The following NR1I2 variants were observed in gnomAD, a reference collection of about 807,000 sequenced individuals.
NR1I2 encodes nuclear receptor subfamily 1 group I member 2.
NR1I2 carries 42 observed loss-of-function variants against 43.3 expected under a neutral mutation model. The ratio of observed to expected loss-of-function variants is 0.97; its 90% confidence interval spans 0.76 to 1.26. The LOEUF (loss-of-function observed/expected upper bound fraction) is 1.26, where lower values mean the gene tolerates loss of function less well. Ranked by LOEUF, NR1I2 falls within the 50% of genes most tolerant of loss-of-function variation. The probability of loss-of-function intolerance (pLI) is 0.00; values close to 1 mark genes in which losing one functional copy is unlikely to be tolerated. For missense variants in NR1I2, 559 were observed against 566.7 expected (o/e 0.99, Z 0.14); for synonymous variants, 229 against 215.0 (o/e 1.06, Z -0.57).
intron 3 of NR1I2, 118 bp downstream of exon 3, chr3:119,810,312 G>C (rs558953916): frequency 2.1e-6 from 3 of 1,427,346 alleles, no homozygotes; most frequent in Non-Finnish European, 9.4e-7. Context: ...GTGAACACAC[G>C]TGCACATGTG....
At chr3:119,795,254 C>A (rs559628106) in intron 1 of NR1I2, among the ~76,000 whole-genome samples, 1 of 152,266 alleles carries the variant, frequency 6.6e-6, no homozygotes, top group African/African-American at 2.4e-5. Context: ...CATAGGCAGA[C>A]CTTAAGGGAT....
Position 119,818,167 on chromosome 3 carries a change from G to C in NR1I2, c.*955G>C, listed in dbSNP as rs1278037091. 1 of 985,652 alleles carries C rather than the reference G, an allele frequency of 1.0e-6. No individual in the cohort carries two copies. Among genetic ancestry groups the C allele is most frequent in the African/African-American group, 1.7e-5 (1 of 57,212 alleles). 61.1% of individuals were successfully genotyped at this position (985,652 alleles called of 1,614,324 possible). A position where few individuals can be genotyped will look rare whatever the true frequency, so the allele number is the denominator to read the frequency against. ...GTGTAGGTAGGTCTGTTTGCCACTTGATGGGGCCTGGGTTTGTTCCTGGGG... is the reference window on the plus strand; with the variant it reads ...GTGTAGGTAGGTCTGTTTGCCACTTCATGGGGCCTGGGTTTGTTCCTGGGG... On this transcript the variant is annotated 3_prime_UTR_variant, in exon 9 of 9. Transcript: ENST00000393716.
At chr3:119,789,294 T>G (rs755300860) in intron 1 of NR1I2, among the ~76,000 whole-genome samples, 4 of 152,008 alleles carry the variant, frequency 2.6e-5, no homozygotes, top group Admixed American at 6.6e-5. Context: ...ATGTTCACAT[T>G]GCTGATAAAG....
intron 1 of NR1I2, chr3:119,782,998 G>A (rs2054797541): frequency 1.4e-6 from 1 of 719,960 alleles, no homozygotes; most frequent in Non-Finnish European, 2.5e-6. Context: ...ACTGCTTTAA[G>A]GCCACTCCAT....
chr3:119,813,001 T>C, intron 5 of NR1I2, 41 bp downstream of exon 5: 1 of 1,604,916 alleles, frequency 6.2e-7, no homozygotes, highest in Non-Finnish European at 8.5e-7. Context: ...GGAAAAGAAC[T>C]GGAAGTGGCC....
rs1452125370 is a variant in NR1I2 at position 119,791,878 on chromosome 3, AAGGC to A, written c.-23+9580_-23+9583del. 5.0e-6 allele frequency: 3 copies of A among 600,740 alleles called. No individual in the cohort carries two copies. In the African/African-American group the frequency reaches 5.5e-5, roughly 11 times the overall value. The allele number at this position is 600,740 out of a possible 1,614,324, so 37.2% of individuals were successfully genotyped here. Reference sequence around the variant, plus strand: ...TTTGGACTGGCCTTAGCTGTTGCAGAAGGCATGGTGAACTCTGCCTTATATAACA... The same window carrying A: ...TTTGGACTGGCCTTAGCTGTTGCAGAATGGTGAACTCTGCCTTATATAACA... On this transcript the variant is annotated intron_variant, in intron 1 of 8. Coordinates refer to ENST00000393716, the MANE Select transcript of NR1I2 (RefSeq NM_003889.4).
chr3:119,810,144 G>A lies in NR1I2; in HGVS notation c.281G>A (p.Cys94Tyr), dbSNP rs779991929. The A allele has an allele frequency of 6.2e-7, 1 of 1,612,908 alleles. No homozygotes were observed. The highest frequency in any genetic ancestry group is 1.3e-5 in the African/African-American group (1 of 74,936). Reference sequence around the variant, plus strand: ...ATCACCCGGAAGACCCGGCGACAGTGCCAGGCCTGCCGCCTGCGCAAGTGC... The same window carrying A: ...ATCACCCGGAAGACCCGGCGACAGTACCAGGCCTGCCGCCTGCGCAAGTGC... The change falls in exon 3 of 9, where the codon TGC becomes TAC. Residue 94 changes from cysteine (C) to tyrosine (Y), a missense_variant. Physicochemically the swap from Cys to Tyr is radical, Grantham distance 194 (BLOSUM62 -2). Transcript: ENST00000393716.
intron 2 of NR1I2, among the ~76,000 whole-genome samples, chr3:119,807,846 G>C (rs71325402): frequency 6.6e-6 from 1 of 152,156 alleles, no homozygotes; most frequent in Non-Finnish European, 1.5e-5. Context: ...GGAGGGGAAG[G>C]GCGGGGAGGG....
At chr3:119,794,391 A>G (rs1296131786) in intron 1 of NR1I2, among the ~76,000 whole-genome samples, 1 of 151,010 alleles carries the variant, frequency 6.6e-6, no homozygotes, top group Non-Finnish European at 1.5e-5. Flanking sequence ...ACAGGATCTC[A>G]CCATGTCACC....
intron 1 of NR1I2, among the ~76,000 whole-genome samples, chr3:119,801,913 G>C (rs960737942): frequency 6.6e-6 from 1 of 152,158 alleles, no homozygotes; most frequent in Admixed American, 6.5e-5. Context: ...TGGCCTCTCC[G>C]CATGGTCTCT....
chr3:119,784,521 A>G (rs1405923576), intron 1 of NR1I2, among the ~76,000 whole-genome samples: 2 of 152,038 alleles, frequency 1.3e-5, no homozygotes, highest in African/African-American at 4.8e-5. Context: ...AGAAATTTTT[A>G]CTATTATTGT....
chr3:119,817,489 C>G lies in NR1I2; in HGVS notation c.*277C>G. ...CAGGACCATCAGAGAGGCAAGGTTGCCCTTTCCTTTTAAAAGGCCCTGTGG... is the reference window on the plus strand; with the variant it reads ...CAGGACCATCAGAGAGGCAAGGTTGGCCTTTCCTTTTAAAAGGCCCTGTGG... On this transcript the variant is annotated 3_prime_UTR_variant, in exon 9 of 9. Coordinates refer to ENST00000393716, the MANE Select transcript of NR1I2 (RefSeq NM_003889.4). The G allele has an allele frequency of 1.5e-6, 2 of 1,311,468 alleles. No homozygotes were observed. The highest frequency in any genetic ancestry group is 2.0e-6 in the Non-Finnish European group (2 of 1,020,676). The allele number at this position is 1,311,468 out of a possible 1,614,324, so 81.2% of individuals were successfully genotyped here.
intron 1 of NR1I2, 48 bp from the exon 2 acceptor site, chr3:119,807,181 C>T (rs2055172882): frequency 6.5e-7 from 1 of 1,532,320 alleles, no homozygotes; most frequent in African/African-American, 1.4e-5. Flanking sequence ...GAGGCCTCTA[C>T]ACATCCCTGT....
At chr3:119,814,064 G>A (rs969243994) in intron 5 of NR1I2, among the ~76,000 whole-genome samples, 5 of 152,204 alleles carry the variant, frequency 3.3e-5, no homozygotes, top group African/African-American at 9.7e-5. Context: ...CAATGGGGAG[G>A]CACAGAAGAA....
intron 4 of NR1I2, 65 bp downstream of exon 4, chr3:119,811,791 G>A (rs1267195098): frequency 4.0e-5 from 58 of 1,459,906 alleles, no homozygotes; most frequent in Middle Eastern, 1.9e-4. Context: ...AGAAACTGAG[G>A]TTCCCCAAGG....
chr3:119,802,349 A>G (rs1392941264), intron 1 of NR1I2, among the ~76,000 whole-genome samples: 2 of 152,240 alleles, frequency 1.3e-5, no homozygotes, highest in African/African-American at 4.8e-5. Flanking sequence ...GACATGATTT[A>G]AGTAAATGTC....
At chr3:119,794,036 G>T (rs1277490629) in intron 1 of NR1I2, among the ~76,000 whole-genome samples, 1 of 152,008 alleles carries the variant, frequency 6.6e-6, no homozygotes, top group Non-Finnish European at 1.5e-5. Context: ...TTTAGACAGG[G>T]TCTCACTCTG....
intron 1 of NR1I2, among the ~76,000 whole-genome samples, chr3:119,796,181 C>T (rs1327358081): frequency 1.3e-5 from 2 of 152,190 alleles, no homozygotes; most frequent in African/African-American, 2.4e-5. Flanking sequence ...CCCTGTACCA[C>T]TGAGTCATCT....
chr3:119,806,467 G>A (rs1320693748), intron 1 of NR1I2, among the ~76,000 whole-genome samples: 2 of 151,552 alleles, frequency 1.3e-5, no homozygotes, highest in Non-Finnish European at 1.5e-5. Flanking sequence ...TTTATTTTTT[G>A]TAAAGATGAG....
Sources: allele counts gnomAD v4.1 joint callset (sites outside exome capture counted in the v4.1 genomes callset), GRCh38; gene constraint gnomAD v4.1.1; transcripts MANE v1.5; gene names NCBI Gene and HGNC (gene_info 2026-07-23, HGNC 2026-07-21).